Variants in PITPNC1 observed in about 807,000 individuals in gnomAD.
PITPNC1 encodes cytoplasmic phosphatidylinositol transfer protein 1.
In PITPNC1, 18 loss-of-function variants were observed where a neutral mutation model predicts 44.7. That is an observed-to-expected ratio of 0.40 (90% CI 0.28 to 0.60). PITPNC1 has a LOEUF of 0.60. PITPNC1 is among the 20% of genes least tolerant of loss of function. The pLI is 0.39. For synonymous variants in PITPNC1, 141 were observed against 149.6 expected (o/e 0.94, Z 0.42); for missense variants, 290 against 418.4 (o/e 0.69, Z 2.68).
At chr17:67,464,730 T>A (rs1372215865) in intron 1 of PITPNC1, among the ~76,000 whole-genome samples, 1 of 149,432 alleles carries the variant, frequency 6.7e-6, no homozygotes, top group Non-Finnish European at 1.5e-5. Flanking sequence ...GACCACGATT[T>A]TACAACTCTC....
intron 1 of PITPNC1, among the ~76,000 whole-genome samples, chr17:67,468,917 C>T (rs1454639544): frequency 2.0e-5 from 3 of 152,046 alleles, no homozygotes; most frequent in East Asian, 1.9e-4. Flanking sequence ...TTAGTAGAGA[C>T]GAGGTTTCGC....
intron 5 of PITPNC1, among the ~76,000 whole-genome samples, chr17:67,603,837 G>A (rs147985599): frequency 0.017 from 2,530 of 152,076 alleles, 41 homozygotes; most frequent in Non-Finnish European, 0.022. Flanking sequence ...GGCTGAGGCA[G>A]GAGAATCACT....
intron 1 of PITPNC1, among the ~76,000 whole-genome samples, chr17:67,395,568 A>G (rs557080355): frequency 4.6e-5 from 7 of 152,178 alleles, no homozygotes; most frequent in Non-Finnish European, 8.8e-5. Flanking sequence ...GTGGCCCTCC[A>G]TCAAGAACAT....
At chr17:67,669,881 G>C (rs1004353810) in intron 7 of PITPNC1, among the ~76,000 whole-genome samples, 1 of 152,078 alleles carries the variant, frequency 6.6e-6, no homozygotes, top group Non-Finnish European at 1.5e-5. Context: ...AGACCGGCCT[G>C]GCCAACATGG....
At chr17:67,476,646 T>A (rs934810749) in intron 1 of PITPNC1, among the ~76,000 whole-genome samples, 2 of 152,124 alleles carry the variant, frequency 1.3e-5, no homozygotes, top group Non-Finnish European at 2.9e-5. Flanking sequence ...ATTTATTTTT[T>A]AATTTTTGTT....
chr17:67,461,101 C>G (rs2039331600), intron 1 of PITPNC1, among the ~76,000 whole-genome samples: 2 of 152,108 alleles, frequency 1.3e-5, no homozygotes, highest in Admixed American at 6.6e-5. Context: ...CTACCCGGTA[C>G]TCCTTTCTTT....
intron 4 of PITPNC1, among the ~76,000 whole-genome samples, chr17:67,568,349 G>A (rs2041008961): frequency 6.6e-6 from 1 of 152,134 alleles, no homozygotes. Flanking sequence ...GCAGGTAGGC[G>A]GGAATGGGGA....
intron 5 of PITPNC1, among the ~76,000 whole-genome samples, chr17:67,628,865 C>G (rs2706708): frequency 0.77 from 116,822 of 152,116 alleles, 45,234 homozygotes; most frequent in East Asian, 0.84. Context: ...CCCACAGGCA[C>G]ACTCTGCAGC....
intron 5 of PITPNC1, among the ~76,000 whole-genome samples, chr17:67,608,103 C>A (rs1193338550): frequency 1.3e-5 from 2 of 152,094 alleles, no homozygotes; most frequent in African/African-American, 2.4e-5. Context: ...TCGTGCAGTG[C>A]TTAGGTTCTG....
At chr17:67,577,444 C>T (rs552149646) in intron 4 of PITPNC1, among the ~76,000 whole-genome samples, 26 of 151,824 alleles carry the variant, frequency 1.7e-4, no homozygotes, top group Admixed American at 1.3e-3. Flanking sequence ...AAAAATTAGC[C>T]GGGCTACACG....
At chr17:67,429,000 C>T (rs2038815984) in intron 1 of PITPNC1, among the ~76,000 whole-genome samples, 1 of 151,870 alleles carries the variant, frequency 6.6e-6, no homozygotes, top group South Asian at 2.1e-4. Context: ...TGCCACCACG[C>T]CTGGCTAATT....
rs187956250 is a variant in PITPNC1, at chr17:67,406,838, C to T, written c.48+28636C>T. 1.7e-4 allele frequency among the ~76,000 whole-genome samples: 26 copies of T among 152,252 alleles called. No homozygotes were observed. In the East Asian group the frequency reaches 5.0e-3, roughly 29 times the overall value. On this transcript the variant is annotated intron_variant, in intron 1 of 8. Coordinates refer to ENST00000581322, the MANE Select transcript of PITPNC1 (RefSeq NM_012417.4). ...CTGGCCTCAGGTGATCCATCCACCT[C>T]ATCCTCCTAAAGTGCTGGGATTACA...
At chr17:67,436,015 A>G (rs768929760) in intron 1 of PITPNC1, among the ~76,000 whole-genome samples, 14 of 152,004 alleles carry the variant, frequency 9.2e-5, no homozygotes, top group Admixed American at 1.3e-4. Context: ...TTGAGATACA[A>G]TCTTGCTGCT....
At chr17:67,638,787 A>C (rs1361155058) in intron 6 of PITPNC1, 1 of 152,094 alleles carries the variant, frequency 6.6e-6, no homozygotes, top group Non-Finnish European at 1.5e-5. Flanking sequence ...TTATGAATCC[A>C]GTCGGTAGAG....
At chr17:67,477,433 TG>T (rs979761651) in intron 1 of PITPNC1, among the ~76,000 whole-genome samples, 24 of 152,158 alleles carry the variant, frequency 1.6e-4, no homozygotes, top group African/African-American at 5.3e-4. Context: ...TTAGTAGAGA[TG>T]GGGTTTCACT....
chr17:67,679,918 G>C lies in PITPNC1; in HGVS notation c.682+4376G>C, dbSNP rs959758257. ...GACAGTGTTTTGAGAAAGGAACACA[G>C]AACATTGCCAGAAGGAGCCTATGAT... On this transcript the variant is annotated intron_variant, in intron 8 of 8. Coordinates refer to ENST00000581322, the MANE Select transcript of PITPNC1 (RefSeq NM_012417.4). Among the ~76,000 whole-genome samples, 4 of 152,334 alleles carry C rather than the reference G, an allele frequency of 2.6e-5. No homozygotes were observed. The East Asian group carries it at 7.7e-4, about 29-fold the overall frequency.
At position 67,587,355 on chromosome 17, in the gene PITPNC1, A is replaced by G. The variant is rs554459551; in HGVS notation, c.366+9098A>G. On this transcript the variant is annotated intron_variant, in intron 5 of 8. Transcript: ENST00000581322. ...AAAAAAAAAATTTAATTAGCTGGAC[A>G]TGGTGGCACACACCTGTCATCCCAG... 8.6e-4 allele frequency among the ~76,000 whole-genome samples: 131 copies of G among 151,900 alleles called. 3 individuals carry two copies. In the South Asian group the frequency reaches 0.025, roughly 29 times the overall value.
At chr17:67,427,864 T>A (rs975641290) in intron 1 of PITPNC1, among the ~76,000 whole-genome samples, 18 of 152,228 alleles carry the variant, frequency 1.2e-4, no homozygotes. Flanking sequence ...TTCCAACTCT[T>A]GATATGATCA....
chr17:67,379,907 C>T (rs1020576530), intron 1 of PITPNC1, among the ~76,000 whole-genome samples: 3 of 152,114 alleles, frequency 2.0e-5, no homozygotes, highest in African/African-American at 7.2e-5. Flanking sequence ...TACAAAATCT[C>T]TTTATCCTAG....
Sources: allele counts gnomAD v4.1 joint callset (sites outside exome capture counted in the v4.1 genomes callset), GRCh38; gene constraint gnomAD v4.1.1; transcripts MANE v1.5; gene names NCBI Gene and HGNC (gene_info 2026-07-23, HGNC 2026-07-21).